Variants in ZNF276 observed in about 807,000 individuals in gnomAD.
The protein encoded by ZNF276 is zinc finger protein 276, also known as centromere protein Z.
A neutral mutation model predicts 63.9 loss-of-function variants in ZNF276; 59 were observed. That is an observed-to-expected ratio of 0.92 (90% CI 0.75 to 1.15). The LOEUF (loss-of-function observed/expected upper bound fraction) is 1.15, where lower values mean the gene tolerates loss of function less well. ZNF276 is among the 50% of genes most tolerant of loss of function. ZNF276 has a pLI of 0.00. For synonymous variants in ZNF276, 496 were observed against 348.4 expected (o/e 1.42, Z -4.72); for missense variants, 1,084 against 843.8 (o/e 1.28, Z -3.53).
In ZNF276 at chr16:89,740,020, A is replaced by C. The variant is rs1598055304; in HGVS notation, c.*1774A>C. 2 of 1,614,064 alleles carry C rather than the reference A, an allele frequency of 1.2e-6. No homozygotes were observed. Among genetic ancestry groups the C allele is most frequent in the African/African-American group, 2.7e-5 (2 of 74,916 alleles). On this transcript the variant is annotated 3_prime_UTR_variant, in exon 11 of 11. Transcript: ENST00000443381. ...ACTCTCTGTCAACTGAAAGAGTGCC[A>C]GCCAGGATATCTTCCTCTTCTCTAA...
rs1443012259 is a variant in ZNF276 at position 89,733,497 on chromosome 16, C to T, written c.1296C>T (p.Thr432=). 3.7e-6 allele frequency: 6 copies of T among 1,614,054 alleles called. No individual in the cohort carries two copies. Among genetic ancestry groups the T allele is most frequent in the South Asian group, 3.3e-5 (3 of 91,092 alleles). Residue 432 remains threonine (T), a synonymous_variant, in exon 8 of 11, where the codon ACC becomes ACT. Coordinates refer to ENST00000443381, the MANE Select transcript of ZNF276 (RefSeq NM_001113525.2). The part of the protein sequence containing the change: ...KLRCEREELP[T]IYKCPYQGCT... Reference sequence around the variant, plus strand: ...TTCATTGCAGGGAGGAGCTTCCCACCATCTACAAGTGTCCTTACCAGGGCT... The same window carrying T: ...TTCATTGCAGGGAGGAGCTTCCCACTATCTACAAGTGTCCTTACCAGGGCT...
At position 89,739,433 on chromosome 16, in the gene ZNF276, T is replaced by TA. The variant is rs2062065344; in HGVS notation, c.*1187_*1188insA. On this transcript the variant is annotated 3_prime_UTR_variant, in exon 11 of 11. Transcript: ENST00000443381. The stretch of plus-strand genomic sequence containing the variant: ...ACCCAGAGGTGCTGAGATGGGGGTC[T>TA]GGGAAACACTGCCCAGCCCTGACCA... The TA allele has an allele frequency of 6.4e-7, 1 of 1,553,586 alleles. No individual in the cohort carries two copies. Among genetic ancestry groups the TA allele is most frequent in the Non-Finnish European group, 8.7e-7 (1 of 1,147,788 alleles).
At position 89,740,753 on chromosome 16, in the gene ZNF276, T is replaced by A. The variant is rs1273994774; in HGVS notation, c.*2507T>A. The A allele has an allele frequency of 1.3e-6, 2 of 1,537,562 alleles. No individual in the cohort carries two copies. Among genetic ancestry groups the A allele is most frequent in the South Asian group, 2.3e-5 (2 of 88,104 alleles). The stretch of plus-strand genomic sequence containing the variant: ...TTGGAAGCTGGCTGCCTGGTGCCCC[T>A]GCCTGGCCCACAGTGGGAGAGGACA... On this transcript the variant is annotated 3_prime_UTR_variant, in exon 11 of 11. Coordinates refer to ENST00000443381, the MANE Select transcript of ZNF276 (RefSeq NM_001113525.2).
intron 9 of ZNF276, among the ~76,000 whole-genome samples, chr16:89,736,170 C>T (rs908383419): frequency 4.6e-5 from 7 of 152,204 alleles, no homozygotes; most frequent in South Asian, 4.1e-4. Flanking sequence ...GGATTATAAG[C>T]GTGAGCCATG....
intron 9 of ZNF276, among the ~76,000 whole-genome samples, chr16:89,736,426 G>A (rs1567585457): frequency 6.6e-6 from 1 of 151,404 alleles, no homozygotes; most frequent in Non-Finnish European, 1.5e-5. Context: ...CTGGGTTCAT[G>A]CAATTCTGCT....
At chr16:89,721,323 G>C (rs1404873752), upstream of ZNF276, 7 of 285,516 alleles carry the variant, frequency 2.5e-5, no homozygotes. Flanking sequence ...AGGACTCGTC[G>C]TGAGGTGTCG....
At chr16:89,728,608 T>C (rs1340592487) in intron 5 of ZNF276, among the ~76,000 whole-genome samples, 1 of 152,056 alleles carries the variant, frequency 6.6e-6, no homozygotes, top group Non-Finnish European at 1.5e-5. Flanking sequence ...TTCACTTTGT[T>C]AGCCGGGATG....
chr16:89,739,697 C>T lies in ZNF276; in HGVS notation c.*1451C>T. 6.6e-7 allele frequency: 1 copy of T among 1,512,854 alleles called. No homozygotes were observed. Among genetic ancestry groups the T allele is most frequent in the Non-Finnish European group, 8.9e-7 (1 of 1,125,532 alleles). The allele number at this position is 1,512,854 out of a possible 1,614,324, so 93.7% of individuals were successfully genotyped here. On this transcript the variant is annotated 3_prime_UTR_variant, in exon 11 of 11. Transcript: ENST00000443381. ...GGGCGAACAGCCTGAGCTGAGGATA[C>T]CCAGGTACCTGTCAGCAGCTGGGAG...
chr16:89,721,020 CG>C, upstream of ZNF276: 1 of 649,304 alleles, frequency 1.5e-6, no homozygotes, highest in Non-Finnish European at 2.2e-6. Context: ...GCGCGTACTG[CG>C]GGCCCCACGG....
upstream of ZNF276, chr16:89,721,474 C>T (rs991150423): frequency 1.0e-5 from 6 of 600,402 alleles, no homozygotes; most frequent in South Asian, 6.6e-5. Context: ...CCGGCGGGGT[C>T]CCGCCCCTGG....
chr16:89,735,284 AG>A (rs1259208617), intron 9 of ZNF276, among the ~76,000 whole-genome samples: 1 of 140,604 alleles, frequency 7.1e-6, no homozygotes, highest in Non-Finnish European at 1.5e-5. Flanking sequence ...GATTTTGGTA[AG>A]GGGTGGGGGG....
intron 9 of ZNF276, among the ~76,000 whole-genome samples, chr16:89,735,457 T>A (rs750239740): frequency 1.1e-4 from 17 of 152,152 alleles, no homozygotes; most frequent in Non-Finnish European, 2.5e-4. Flanking sequence ...TCTCCCGACA[T>A]GCGGGTTGTT....
intron 9 of ZNF276, among the ~76,000 whole-genome samples, chr16:89,735,058 C>CGGAGGT (rs75882749): frequency 0.059 from 8,933 of 150,790 alleles, 406 homozygotes; most frequent in East Asian, 0.22. Context: ...ACTTGGGAGG[C>CGGAGGT]GGAGGTGGAG....
chr16:89,739,920 G>C lies in ZNF276; in HGVS notation c.*1674G>C, dbSNP rs56216970. ...TAGCAAGGAACCTCAAGGAGGGCTC[G>C]TTCTTAACCATTTGCAAGATGCCTC... On this transcript the variant is annotated 3_prime_UTR_variant, in exon 11 of 11. Coordinates refer to ENST00000443381, the MANE Select transcript of ZNF276 (RefSeq NM_001113525.2). The C allele has an allele frequency of 8.3e-5, 133 of 1,600,680 alleles. No homozygotes were observed. In the African/African-American group the frequency reaches 9.5e-4, roughly 11 times the overall value.
At chr16:89,735,986 G>A (rs1310886529) in intron 9 of ZNF276, among the ~76,000 whole-genome samples, 1 of 151,768 alleles carries the variant, frequency 6.6e-6, no homozygotes, top group Non-Finnish European at 1.5e-5. Flanking sequence ...CCTCTTCCTG[G>A]GGTAAAGCCA....
In ZNF276 at chr16:89,739,187, C is replaced by A. The variant is rs1060501882; in HGVS notation, c.*941C>A. ...CTGGAGGTGAAACTGTGCTTGTATC[C>A]CCAGCCACGAAGAGCTGGACCAGCT... On this transcript the variant is annotated 3_prime_UTR_variant, in exon 11 of 11. Coordinates refer to ENST00000443381, the MANE Select transcript of ZNF276 (RefSeq NM_001113525.2). The A allele has an allele frequency of 3.1e-6, 5 of 1,614,026 alleles. No homozygotes were observed. The East Asian group carries it at 6.7e-5, about 22-fold the overall frequency.
chr16:89,724,076 C>T (rs180945946), intron 4 of ZNF276, among the ~76,000 whole-genome samples: 57 of 152,354 alleles, frequency 3.7e-4, no homozygotes, highest in South Asian at 6.2e-4. Flanking sequence ...GTTGCCTCTG[C>T]GGCTGCTGCC....
rs1276599747 is a variant in ZNF276 at position 89,723,402 on chromosome 16, C to T, written c.699C>T (p.Gly233=). 4 of 1,612,872 alleles carry T rather than the reference C, an allele frequency of 2.5e-6. No individual in the cohort carries two copies. The highest frequency in any genetic ancestry group is 1.1e-5 in the South Asian group (1 of 91,086). Residue 233 remains glycine (G), a synonymous_variant, in exon 4 of 11, where the codon GGC becomes GGT. Coordinates refer to ENST00000443381, the MANE Select transcript of ZNF276 (RefSeq NM_001113525.2). ...EYCGVIQVVW[G]CDQGHDYTMD... ...GCGGCGTCATCCAGGTCGTGTGGGG[C>T]TGCGACCAGGGCCACGACTACACCA...
At chr16:89,728,407 A>AT (rs931346292) in intron 5 of ZNF276, among the ~76,000 whole-genome samples, 21 of 143,498 alleles carry the variant, frequency 1.5e-4, no homozygotes, top group East Asian at 4.1e-4. Flanking sequence ...GTATTTATTT[A>AT]TTTTTTTTTT....
Sources: gnomAD v4.1 joint callset for allele counts (sites outside exome capture counted in the v4.1 genomes callset) on GRCh38, gnomAD v4.1.1 for gene constraint, MANE v1.5 for transcripts, NCBI Gene and HGNC (gene_info 2026-07-23, HGNC 2026-07-21) for gene names.